KNDC1: variants seen among roughly 807,000 people sequenced by gnomAD.
KNDC1 encodes kinase non-catalytic C-lobe domain-containing protein 1.
In KNDC1, 106 loss-of-function variants were observed where a neutral mutation model predicts 172.8. The observed-to-expected ratio is 0.61, with a 90% CI of 0.52 to 0.72. The LOEUF is 0.72. KNDC1 is among the 30% of genes least tolerant of loss of function. KNDC1 has a pLI of 0.00. For synonymous variants in KNDC1, 1,083 were observed against 1,062.2 expected, an observed-to-expected ratio of 1.02 and a Z score of -0.38; for missense variants, 2,325 against 2,394.5, an observed-to-expected ratio of 0.97 and a Z score of 0.61.
In KNDC1 at chr10:133,167,542, C is replaced by T. The variant is rs1384353181; in HGVS notation, c.264C>T (p.Asn88=). 1 of 1,602,934 alleles carries T rather than the reference C, an allele frequency of 6.2e-7. No individual in the cohort carries two copies. The highest frequency in any genetic ancestry group is 8.5e-7 in the Non-Finnish European group (1 of 1,175,156). ...TCACGCCCGACACCCTGGCCTTCAA[C>T]ACCAGCGGGAACGTGTGTTTCATGG... ...LCITPDTLAF[N]TSGNVCFMEQ... The change falls in exon 2 of 30, where the codon AAC becomes AAT. Residue 88 remains asparagine, a synonymous_variant. Coordinates refer to ENST00000304613, the MANE Select transcript of KNDC1 (RefSeq NM_152643.8).
At chr10:133,213,309 C>T (rs903674112) in intron 24 of KNDC1, among the ~76,000 whole-genome samples, 15 of 152,368 alleles carry the variant, frequency 9.8e-5, no homozygotes, top group Non-Finnish European at 1.9e-4. Flanking sequence ...CAGGGCCCTG[C>T]CCAACTTCCT....
At chr10:133,203,059 C>G (rs1373044982) in intron 17 of KNDC1, among the ~76,000 whole-genome samples, 1 of 151,510 alleles carries the variant, frequency 6.6e-6, no homozygotes, top group Non-Finnish European at 1.5e-5. Flanking sequence ...AGCACTCGGC[C>G]CCCAAACTGG....
intron 3 of KNDC1, among the ~76,000 whole-genome samples, chr10:133,171,604 CTGTT>C (rs988219700): frequency 1.3e-4 from 20 of 151,248 alleles, no homozygotes; most frequent in Non-Finnish European, 1.5e-4. Context: ...TTACATTTTT[CTGTT>C]TGTTTGTTGC....
At position 133,186,039 on chromosome 10, in the gene KNDC1, G is replaced by C; in HGVS notation, c.691G>C (p.Gly231Arg). 2 of 1,596,778 alleles carry C rather than the reference G, an allele frequency of 1.3e-6. No individual in the cohort carries two copies. Among genetic ancestry groups the C allele is most frequent in the Non-Finnish European group, 1.7e-6 (2 of 1,173,278 alleles). The change falls in exon 6 of 30, where the codon GGG (glycine) becomes CGG (arginine). Residue 231 changes from glycine (G) to arginine (R), a missense_variant. Coordinates refer to ENST00000304613, the MANE Select transcript of KNDC1 (RefSeq NM_152643.8). ...AAACGCTGGGCCCAGGAGGCCGCCCGGGGACCCCAGCACTGACCCGGAGGT... is the reference window on the plus strand; with the variant it reads ...AAACGCTGGGCCCAGGAGGCCGCCCCGGGACCCCAGCACTGACCCGGAGGT... ...PGNAGPRRPP[G>R]DPSTDPEVLP...
chr10:133,219,912 A>G (rs753154674), intron 28 of KNDC1, 43 bp from the exon 29 acceptor site: 16 of 1,533,856 alleles, frequency 1.0e-5, no homozygotes, highest in Non-Finnish European at 1.3e-5. Context: ...TGCACTGACC[A>G]CGCCCTGTCT....
chr10:133,185,326 T>G (rs1056129211), intron 5 of KNDC1, among the ~76,000 whole-genome samples: 1 of 149,610 alleles, frequency 6.7e-6, no homozygotes, highest in African/African-American at 2.5e-5. Context: ...GTGTACAGTG[T>G]GGAGTAGGCA....
intron 12 of KNDC1, 114 bp from the exon 13 acceptor site, chr10:133,198,223 G>C: frequency 1.6e-6 from 2 of 1,249,374 alleles, no homozygotes; most frequent in Non-Finnish European, 2.2e-6. Flanking sequence ...CCATGCGGGA[G>C]GGGACGCGGC....
Position 133,224,776 on chromosome 10 carries a change from C to T in KNDC1, c.5136C>T (p.Ala1712=), listed in dbSNP as rs144934475. The change falls in exon 30 of 30, where the codon GCC becomes GCT. Residue 1712 remains alanine, a synonymous_variant. Coordinates refer to ENST00000304613, the MANE Select transcript of KNDC1 (RefSeq NM_152643.8). This position sits in a 1 kb window ranked among gnomAD's most constrained non-coding sequence, Gnocchi z 5.4. ...LKQRIARFSG[A]DISTLAADSR... is the part of the protein sequence containing the mutation. ...AGAGGATTGCCCGCTTCAGCGGTGCCGACATTTCCACACTCGCCGCAGATA... is the reference window on the plus strand; with the variant it reads ...AGAGGATTGCCCGCTTCAGCGGTGCTGACATTTCCACACTCGCCGCAGATA... 825 of 1,614,046 alleles carry T rather than the reference C, an allele frequency of 5.1e-4. No individual in the cohort carries two copies. Among genetic ancestry groups the T allele is most frequent in the Non-Finnish European group, 6.4e-4 (756 of 1,179,998 alleles).
In KNDC1 at chr10:133,183,329, C is replaced by T. The variant is rs1384238870; in HGVS notation, c.361-15C>T. ...ACGCAGAGACTCTGGAGCTGACAGC[C>T]TGTCGTGCCCACAGGCGCACATCTA... On this transcript the variant is annotated splice_polypyrimidine_tract_variant and intron_variant, in intron 3 of 29. Coordinates refer to ENST00000304613, the MANE Select transcript of KNDC1 (RefSeq NM_152643.8). 10 of 1,579,324 alleles carry T rather than the reference C, an allele frequency of 6.3e-6. No homozygotes were observed. The highest frequency in any genetic ancestry group is 2.3e-5 in the South Asian group (2 of 87,254).
chr10:133,208,487 TG>T (rs1845269326), intron 20 of KNDC1, among the ~76,000 whole-genome samples: 2 of 34,920 alleles, frequency 5.7e-5, no homozygotes, highest in African/African-American at 1.2e-4. Context: ...GAGAGGGACG[TG>T]GGCCCCCAAC....
chr10:133,202,892 GC>G (rs1378107146), intron 17 of KNDC1, among the ~76,000 whole-genome samples: 2 of 152,214 alleles, frequency 1.3e-5, no homozygotes, highest in South Asian at 2.1e-4. Context: ...CGCAAAGGCC[GC>G]CCCCGGGGCT....
intron 9 of KNDC1, 126 bp downstream of exon 9, chr10:133,189,939 G>A (rs1159035957): frequency 8.7e-6 from 7 of 803,732 alleles, no homozygotes; most frequent in African/African-American, 3.4e-5. Flanking sequence ...CTGGCCAGGC[G>A]GCCACAGGCG....
Position 133,209,881 on chromosome 10 carries a change from C to T in KNDC1, c.3795-730C>T, listed in dbSNP as rs990315404. ...CAGGCCTCCGCTTCCTGACCGTGGC[C>T]GTCGGGCTCCCAGGACAGTCCCAGA... On this transcript the variant is annotated intron_variant, in intron 20 of 29. Coordinates refer to ENST00000304613, the MANE Select transcript of KNDC1 (RefSeq NM_152643.8). This position sits in a 1 kb window ranked among gnomAD's most constrained non-coding sequence, Gnocchi z 4.9. Among the ~76,000 whole-genome samples the T allele has an allele frequency of 3.3e-5, 5 of 152,172 alleles. No homozygotes were observed. Among genetic ancestry groups the T allele is most frequent in the Middle Eastern group, 3.4e-3 (1 of 294 alleles).
intron 19 of KNDC1, 76 bp downstream of exon 19, chr10:133,207,029 A>C (rs1475342091): frequency 6.5e-7 from 1 of 1,549,498 alleles, no homozygotes; most frequent in Non-Finnish European, 8.9e-7. Context: ...GGATGCTGTA[A>C]ATCTGTCCGT....
At chr10:133,198,230 C>A (rs1019845897) in intron 12 of KNDC1, 107 bp from the exon 13 acceptor site, 13 of 1,305,426 alleles carry the variant, frequency 1.0e-5, no homozygotes, top group African/African-American at 1.5e-5. Context: ...GGAGGGGACG[C>A]GGCACCACGC....
intron 23 of KNDC1, 74 bp from the exon 24 acceptor site, chr10:133,212,642 A>G (rs1024666994): frequency 1.0e-5 from 14 of 1,355,286 alleles, no homozygotes; most frequent in Non-Finnish European, 1.4e-5. Context: ...TCACCCCCCA[A>G]CCCTGCCTCC....
chr10:133,186,620 C>G lies in KNDC1; in HGVS notation c.1272C>G (p.Asp424Glu), dbSNP rs367788279. The G allele has an allele frequency of 1.3e-6, 2 of 1,596,580 alleles. No individual in the cohort carries two copies. The highest frequency in any genetic ancestry group is 4.5e-5 in the East Asian group (2 of 44,836). The change falls in exon 6 of 30, where the codon GAC becomes GAG. Residue 424 changes from aspartate (D) to glutamate (E), a missense_variant. Transcript: ENST00000304613. The stretch of plus-strand genomic sequence containing the variant: ...GCGGTGAAGCCCAGACTCCCAGGGA[C>G]GATGAGAGAATTCCAGAAGGAGCTA... Reference protein sequence around the residue: ...DASGEAQTPRDDERIPEGARQ... With the variant: ...DASGEAQTPREDERIPEGARQ...
In KNDC1 at chr10:133,186,402, C is replaced by G. The variant is rs371220298; in HGVS notation, c.1054C>G (p.Leu352Val). The part of the protein sequence containing the change: ...RKAFLDRKNG[L>V]SSFQAQPKCR... ...GGCCTTTCTGGACAGGAAAAATGGC[C>G]TTTCTAGCTTCCAGGCTCAGCCCAA... Residue 352 changes from leucine (L) to valine (V), a missense_variant, in exon 6 of 30, where the codon CTT (leucine) becomes GTT (valine). By Grantham distance (32) the Leu-to-Val change is conservative (BLOSUM62 1). Transcript: ENST00000304613. 1 of 1,612,760 alleles carries G rather than the reference C, an allele frequency of 6.2e-7. No individual in the cohort carries two copies. Among genetic ancestry groups the G allele is most frequent in the Non-Finnish European group, 8.5e-7 (1 of 1,179,954 alleles).
chr10:133,167,179 C>G (rs1853191161), intron 1 of KNDC1: 1 of 606,308 alleles, frequency 1.6e-6, no homozygotes, highest in East Asian at 2.8e-5. Flanking sequence ...ACGGTGCCAC[C>G]AAATGTTCCG....
Sources: allele counts gnomAD v4.1 joint callset (sites outside exome capture counted in the v4.1 genomes callset), GRCh38; gene constraint gnomAD v4.1.1; non-coding constraint Gnocchi (gnomAD v3.1); transcripts MANE v1.5; gene names NCBI Gene and HGNC (gene_info 2026-07-23, HGNC 2026-07-21).